The following KIT variants were observed in gnomAD, a reference collection of about 807,000 sequenced individuals.
The protein encoded by KIT is KIT proto-oncogene, receptor tyrosine kinase, also known as mast/stem cell growth factor receptor Kit.
In KIT, 16 loss-of-function variants were observed where a neutral mutation model predicts 105.7. That is an observed-to-expected ratio of 0.15 (90% CI 0.10 to 0.23). KIT has a LOEUF of 0.23. Among genes scored for constraint, KIT ranks in the 10% least tolerant of loss-of-function variants. The pLI, the probability that KIT is intolerant of heterozygous loss-of-function variation, is 1.00. For synonymous variants in KIT, 438 were observed against 441.1 expected (o/e 0.99, Z 0.09); for missense variants, 858 against 1,213.8 (o/e 0.71, Z 4.36).
intron 7 of KIT, among the ~76,000 whole-genome samples, chr4:54,717,268 G>C (rs1721565923): frequency 6.6e-6 from 1 of 152,138 alleles, no homozygotes; most frequent in East Asian, 1.9e-4. Context: ...AGCAGATGTA[G>C]CTCTGAACTA....
At chr4:54,711,116 A>AG (rs1721133997) in intron 7 of KIT, among the ~76,000 whole-genome samples, 1 of 152,142 alleles carries the variant, frequency 6.6e-6, no homozygotes, top group Admixed American at 6.5e-5. Flanking sequence ...CCTGGACTAA[A>AG]GCGATCCTTC....
intron 1 of KIT, among the ~76,000 whole-genome samples, chr4:54,664,944 C>T (rs891666774): frequency 6.6e-6 from 1 of 150,978 alleles, no homozygotes; most frequent in Non-Finnish European, 1.5e-5. Context: ...CTACCTTAAT[C>T]ATCTTTAAAT....
chr4:54,739,242 A>G lies in KIT; in HGVS notation c.*685A>G, dbSNP rs1009336854. On this transcript the variant is annotated 3_prime_UTR_variant, in exon 21 of 21. Coordinates refer to ENST00000288135, the MANE Select transcript of KIT (RefSeq NM_000222.3). ...CAGCACTTGTATATACGCATCTATA[A>G]ATTGTCCGTGTTCATACATTTGAGG... The G allele has an allele frequency of 1.2e-5, 3 of 256,170 alleles. No individual in the cohort carries two copies. Among genetic ancestry groups the G allele is most frequent in the Non-Finnish European group, 2.2e-5 (3 of 133,992 alleles). The allele number at this position is 256,170 out of a possible 1,614,324, so 15.9% of individuals were successfully genotyped here.
chr4:54,676,549 A>G (rs1718485160), intron 1 of KIT, among the ~76,000 whole-genome samples: 1 of 152,190 alleles, frequency 6.6e-6, no homozygotes, highest in East Asian at 1.9e-4. Context: ...CTGGAGTACC[A>G]TGGGACAGTG....
intron 7 of KIT, among the ~76,000 whole-genome samples, chr4:54,722,800 G>A (rs576795128): frequency 9.7e-6 from 1 of 103,308 alleles, no homozygotes; most frequent in Non-Finnish European, 2.0e-5. Flanking sequence ...AATATATTCA[G>A]ATTTATATAT....
chr4:54,732,123 T>C (rs753006874), intron 16 of KIT, 125 bp downstream of exon 16: 1 of 1,103,630 alleles, frequency 9.1e-7, no homozygotes, highest in Non-Finnish European at 1.3e-6. Flanking sequence ...CATTTTGAAG[T>C]GTGGTAACCA....
chr4:54,725,206 G>C (rs1439627481), intron 8 of KIT, among the ~76,000 whole-genome samples: 8 of 152,138 alleles, frequency 5.3e-5, no homozygotes, highest in African/African-American at 1.9e-4. Flanking sequence ...CAGGGTTCAA[G>C]TGATTCTCCT....
chr4:54,664,454 A>G (rs1361754977), intron 1 of KIT, among the ~76,000 whole-genome samples: 1 of 152,108 alleles, frequency 6.6e-6, no homozygotes, highest in African/African-American at 2.4e-5. Flanking sequence ...CTGTTCCACC[A>G]TTCTGTCCAA....
intron 5 of KIT, among the ~76,000 whole-genome samples, chr4:54,705,997 G>A (rs1317376445): frequency 6.6e-6 from 1 of 152,104 alleles, no homozygotes; most frequent in African/African-American, 2.4e-5. Flanking sequence ...TAAAAATAAT[G>A]TTAGCAATTA....
chr4:54,728,721 A>C (rs1389591832), intron 13 of KIT, among the ~76,000 whole-genome samples: 4 of 152,174 alleles, frequency 2.6e-5, no homozygotes, highest in Non-Finnish European at 5.9e-5. Flanking sequence ...AATCCCCATA[A>C]ATGTTGCTTC....
intron 1 of KIT, among the ~76,000 whole-genome samples, chr4:54,688,881 G>A (rs574106075): frequency 4.6e-5 from 7 of 152,348 alleles, no homozygotes; most frequent in South Asian, 4.1e-4. Context: ...TAGGCCTAAT[G>A]GACAGCTAGG....
intron 1 of KIT, among the ~76,000 whole-genome samples, chr4:54,674,060 C>T (rs779801221): frequency 2.0e-5 from 3 of 152,170 alleles, no homozygotes; most frequent in Non-Finnish European, 4.4e-5. Context: ...CATGAGCCAC[C>T]GTGCCCGGCC....
At chr4:54,687,194 T>C (rs1393206532) in intron 1 of KIT, among the ~76,000 whole-genome samples, 6 of 152,108 alleles carry the variant, frequency 3.9e-5, no homozygotes, top group Non-Finnish European at 8.8e-5. Flanking sequence ...ATAATCAACT[T>C]TGGGAGGCCG....
chr4:54,731,469 T>G (rs758604307), intron 15 of KIT, 50 bp downstream of exon 15: 11 of 1,172,542 alleles, frequency 9.4e-6, no homozygotes, highest in African/African-American at 1.5e-5. Context: ...AGAGAGTATG[T>G]ATATCATGCT....
intron 1 of KIT, among the ~76,000 whole-genome samples, chr4:54,664,999 T>C (rs1001135787): frequency 3.9e-5 from 6 of 152,106 alleles, no homozygotes; most frequent in African/African-American, 1.4e-4. Flanking sequence ...TTGAACACTT[T>C]CATCTTGCAA....
intron 6 of KIT, 87 bp from the exon 7 acceptor site, chr4:54,709,337 C>T: frequency 1.2e-6 from 1 of 845,890 alleles, no homozygotes; most frequent in Non-Finnish European, 2.1e-6. Context: ...CTCAAACAGG[C>T]ATAGATTTCC....
At chr4:54,722,754 G>A (rs1448680717) in intron 7 of KIT, among the ~76,000 whole-genome samples, 3 of 149,752 alleles carry the variant, frequency 2.0e-5, no homozygotes, top group Non-Finnish European at 3.0e-5. Context: ...TAGTTACATA[G>A]AAATACCAAA....
At chr4:54,693,958 C>T (rs547772044) in intron 1 of KIT, among the ~76,000 whole-genome samples, 39 of 152,286 alleles carry the variant, frequency 2.6e-4, no homozygotes, top group African/African-American at 7.7e-4. Flanking sequence ...CTTCTGCCTG[C>T]GACCAGCATG....
Position 54,709,493 on chromosome 4 carries a change from C to A in KIT, c.1185C>A (p.Ser395=), listed in dbSNP as rs755864184. The A allele has an allele frequency of 6.8e-6, 11 of 1,613,144 alleles. No individual in the cohort carries two copies. The highest frequency in any genetic ancestry group is 9.3e-6 in the Non-Finnish European group (11 of 1,179,272). The change falls in exon 7 of 21, where the codon TCC becomes TCA. Residue 395 remains serine, a synonymous_variant. Transcript: ENST00000288135. ...GAGGCACTTACACATTCCTAGTGTCCAATTCTGACGTCAATGCTGCCATAG... is the reference window on the plus strand; with the variant it reads ...GAGGCACTTACACATTCCTAGTGTCAAATTCTGACGTCAATGCTGCCATAG... ...TEGGTYTFLV[S]NSDVNAAIAF... is the part of the protein sequence containing the mutation.
Sources: gnomAD v4.1 joint callset for allele counts (sites outside exome capture counted in the v4.1 genomes callset) on GRCh38, gnomAD v4.1.1 for gene constraint, MANE v1.5 for transcripts, NCBI Gene and HGNC (gene_info 2026-07-23, HGNC 2026-07-21) for gene names.